MEMO1: variants seen among roughly 807,000 people sequenced by gnomAD.
MEMO1 encodes the protein protein MEMO1.
A neutral mutation model predicts 45.2 loss-of-function variants in MEMO1; 6 were observed. The ratio of observed to expected loss-of-function variants is 0.13; its 90% CI spans 0.07 to 0.26. The LOEUF (loss-of-function observed/expected upper bound fraction) is 0.26, where lower values mean the gene tolerates loss of function less well. Ranked by LOEUF, MEMO1 falls within the 10% of genes least tolerant of loss-of-function variation. The pLI is 1.00. For missense variants in MEMO1, 184 were observed against 370.5 expected (o/e 0.50, Z 4.13); for synonymous variants, 78 against 124.3 (o/e 0.63, Z 2.48).
chr2:32,001,200 G>A (rs369769670), intron 2 of MEMO1, among the ~76,000 whole-genome samples: 10 of 151,666 alleles, frequency 6.6e-5, no homozygotes, highest in East Asian at 3.9e-4. Context: ...CATCACGGCC[G>A]GCTAATTTTT....
At chr2:31,993,978 T>TTTTTTG (rs1672261704) in intron 2 of MEMO1, among the ~76,000 whole-genome samples, 1 of 133,768 alleles carries the variant, frequency 7.5e-6, no homozygotes, top group African/African-American at 2.7e-5. Flanking sequence ...TTTTTTTTTT[T>TTTTTTG]GAGACAGAGT....
intron 2 of MEMO1, among the ~76,000 whole-genome samples, chr2:32,001,288 C>A (rs1558569155): frequency 6.6e-6 from 1 of 151,852 alleles, no homozygotes; most frequent in African/African-American, 2.4e-5. Context: ...ATCCGCCCGC[C>A]TCGGCCTCCC....
chr2:31,941,930 A>C (rs12620015), intron 3 of MEMO1, among the ~76,000 whole-genome samples: 2 of 152,218 alleles, frequency 1.3e-5, no homozygotes, highest in South Asian at 4.1e-4. Flanking sequence ...TTGATTAAAA[A>C]CGGTTATTAT....
chr2:31,887,534 G>C (rs1321688126), intron 7 of MEMO1, among the ~76,000 whole-genome samples: 2 of 152,034 alleles, frequency 1.3e-5, no homozygotes, highest in African/African-American at 4.8e-5. Flanking sequence ...TCTATACTAA[G>C]GACCCAACCT....
chr2:31,978,530 T>C (rs2148490851), intron 2 of MEMO1, among the ~76,000 whole-genome samples: 1 of 152,354 alleles, frequency 6.6e-6, no homozygotes, highest in South Asian at 2.1e-4. Context: ...CTCACTGAGC[T>C]TACACAATCC....
intron 2 of MEMO1, among the ~76,000 whole-genome samples, chr2:32,002,144 CAAAAAAA>C (rs1156408005): frequency 3.4e-4 from 19 of 55,694 alleles, no homozygotes; most frequent in African/African-American, 1.2e-3. Flanking sequence ...GACTCTGTCT[CAAAAAAA>C]AAAAAAAAAA....
intron 2 of MEMO1, among the ~76,000 whole-genome samples, chr2:31,998,923 A>T (rs906406927): frequency 1.3e-5 from 2 of 152,226 alleles, no homozygotes; most frequent in Non-Finnish European, 2.9e-5. Context: ...AACATCTCAA[A>T]CTTAAAATAA....
At chr2:31,994,685 A>G (rs1445678362) in intron 2 of MEMO1, among the ~76,000 whole-genome samples, 1 of 152,124 alleles carries the variant, frequency 6.6e-6, no homozygotes, top group Non-Finnish European at 1.5e-5. Context: ...ACAGTGGCTC[A>G]TGCCTATAAT....
rs182338409 is a variant in MEMO1 at position 31,969,649 on chromosome 2, C to G, written c.62-26266G>C. Among the ~76,000 whole-genome samples the G allele has an allele frequency of 9.8e-3, 1,452 of 148,674 alleles. 25 individuals carry two copies. The highest frequency in any genetic ancestry group is 0.048 in the South Asian group (225 of 4,692). On this transcript the variant is annotated intron_variant, in intron 2 of 9. Coordinates refer to ENST00000404530, the MANE Select transcript of MEMO1 (RefSeq NM_001301833.4). ...TGTGTGTGTGTTTAAGACAGGCTCTCTCTGTTGCCCAGGCTGGAGTGCAAT... is the reference window on the plus strand; with the variant it reads ...TGTGTGTGTGTTTAAGACAGGCTCTGTCTGTTGCCCAGGCTGGAGTGCAAT...
chr2:31,882,850 TAC>T (rs1675619844), intron 8 of MEMO1, among the ~76,000 whole-genome samples: 1 of 152,160 alleles, frequency 6.6e-6, no homozygotes, highest in African/African-American at 2.4e-5. Context: ...TCCAACAGAA[TAC>T]AGATTTTTAT....
At chr2:31,959,759 A>G (rs1406278599) in intron 2 of MEMO1, among the ~76,000 whole-genome samples, 1 of 135,104 alleles carries the variant, frequency 7.4e-6, no homozygotes, top group Non-Finnish European at 1.6e-5. Context: ...ACCTTATGAA[A>G]CACAACCTTG....
chr2:31,878,368 G>C (rs953262536), intron 8 of MEMO1, among the ~76,000 whole-genome samples: 6 of 152,192 alleles, frequency 3.9e-5, no homozygotes, highest in African/African-American at 1.4e-4. Flanking sequence ...GGGCAGAAGA[G>C]TAACATGATC....
At chr2:31,980,630 G>C (rs1670526870) in intron 2 of MEMO1, among the ~76,000 whole-genome samples, 2 of 151,954 alleles carry the variant, frequency 1.3e-5, no homozygotes, top group South Asian at 4.2e-4. Context: ...ATAGGATACA[G>C]TTTTAGCCTC....
At chr2:31,869,726 A>G in intron 9 of MEMO1, 122 bp downstream of exon 9, 1 of 997,700 alleles carries the variant, frequency 1.0e-6, no homozygotes, top group Non-Finnish European at 1.4e-6. Flanking sequence ...TATATTAAAG[A>G]TACTAAAAAG....
At chr2:31,939,209 G>A (rs1406022768) in intron 3 of MEMO1, among the ~76,000 whole-genome samples, 1 of 151,518 alleles carries the variant, frequency 6.6e-6, no homozygotes, top group Non-Finnish European at 1.5e-5. Flanking sequence ...CTATGTTAAC[G>A]AAATAGAAAT....
intron 4 of MEMO1, among the ~76,000 whole-genome samples, chr2:31,926,527 T>C (rs1683139269): frequency 6.6e-6 from 1 of 152,136 alleles, no homozygotes; most frequent in South Asian, 2.1e-4. Context: ...AATGATTTTT[T>C]CTGATAAAAT....
intron 2 of MEMO1, among the ~76,000 whole-genome samples, chr2:31,951,694 G>A (rs1306329364): frequency 1.3e-5 from 2 of 151,894 alleles, no homozygotes; most frequent in Non-Finnish European, 2.9e-5. Flanking sequence ...CACCGCACCC[G>A]GCTAATTTTT....
chr2:31,910,049 G>A (rs1680323065), intron 6 of MEMO1, among the ~76,000 whole-genome samples: 1 of 151,962 alleles, frequency 6.6e-6, no homozygotes. Flanking sequence ...ACATAAAAAT[G>A]ATAAGAATTA....
At chr2:31,987,099 GCTCATGTAATCCTCCCAC>G (rs1357223513) in intron 2 of MEMO1, among the ~76,000 whole-genome samples, 1 of 152,166 alleles carries the variant, frequency 6.6e-6, no homozygotes, top group East Asian at 1.9e-4. Flanking sequence ...GACTTACTGG[GCTCATGTAATCCTCCCAC>G]CTCAGCCTCC....
Sources: allele counts gnomAD v4.1 joint callset (sites outside exome capture counted in the v4.1 genomes callset), GRCh38; gene constraint gnomAD v4.1.1; transcripts MANE v1.5; gene names NCBI Gene and HGNC (gene_info 2026-07-23, HGNC 2026-07-21).